The following HEATR4 variants were observed in gnomAD, a reference collection of about 807,000 sequenced individuals.
HEATR4 encodes the protein HEAT repeat containing 4.
In HEATR4, 95 loss-of-function variants were observed where a neutral mutation model predicts 108.8. That is an observed-to-expected ratio of 0.87 (90% CI 0.74 to 1.04). The LOEUF is 1.04. Ranked by LOEUF, HEATR4 falls within the 50% of genes least tolerant of loss-of-function variation. The pLI is 0.00. For synonymous variants in HEATR4, 443 were observed against 459.4 expected (o/e 0.96, Z 0.46); for missense variants, 1,152 against 1,253.8 (o/e 0.92, Z 1.23).
At chr14:73,609,315 C>T in the HEATR4 span, among the ~76,000 whole-genome samples, 1 of 152,134 alleles carries the variant, frequency 6.6e-6, no homozygotes, top group Admixed American at 6.5e-5. Flanking sequence ...ATGGGATGGA[C>T]AATGTCATAC....
At chr14:73,526,682 C>T (rs1888359632) in intron 2 of HEATR4, among the ~76,000 whole-genome samples, 1 of 152,184 alleles carries the variant, frequency 6.6e-6, no homozygotes, top group Admixed American at 6.5e-5. Flanking sequence ...TCCAGACCTA[C>T]CCTGCGCCAG....
chr14:73,579,573 CA>C, the HEATR4 span, among the ~76,000 whole-genome samples: 31,056 of 57,282 alleles, frequency 0.54, 6,102 homozygotes, highest in East Asian at 0.69. Context: ...AAAGCCGTCT[CA>C]AAAAAAAAAA....
the HEATR4 span, among the ~76,000 whole-genome samples, chr14:73,624,123 CAA>C: frequency 6.6e-6 from 1 of 151,816 alleles, no homozygotes; most frequent in African/African-American, 2.4e-5. Flanking sequence ...CCTGTTTCTA[CAA>C]ATATATATAT....
At chr14:73,501,754 TTTATTA>T (rs1403012015) in intron 11 of HEATR4, among the ~76,000 whole-genome samples, 1 of 151,162 alleles carries the variant, frequency 6.6e-6, no homozygotes, top group Admixed American at 6.6e-5. Flanking sequence ...TTTATTTTAT[TTTATTA>T]TTATTATTTT....
At chr14:73,623,740 C>T in the HEATR4 span, among the ~76,000 whole-genome samples, 1 of 151,954 alleles carries the variant, frequency 6.6e-6, no homozygotes, top group Non-Finnish European at 1.5e-5. Flanking sequence ...GTGTTTGGGT[C>T]ATGAGGGCCA....
chr14:73,554,803 G>C (rs1889371845), intron 1 of HEATR4, among the ~76,000 whole-genome samples: 1 of 113,956 alleles, frequency 8.8e-6, no homozygotes, highest in African/African-American at 2.8e-5. Flanking sequence ...ATATTTGATA[G>C]ACTGTTTTCA....
At chr14:73,558,370 GT>G (rs67300726) in intron 1 of HEATR4, among the ~76,000 whole-genome samples, 49,985 of 119,794 alleles carry the variant, frequency 0.42, 11,896 homozygotes, top group East Asian at 0.58. Context: ...GCCTTGATTT[GT>G]TTTTTTTTTT....
upstream of HEATR4, among the ~76,000 whole-genome samples, chr14:73,560,427 G>A (rs532715413): frequency 8.8e-4 from 134 of 152,136 alleles, 1 homozygote; most frequent in African/African-American, 3.0e-3. Flanking sequence ...ACTTTGGGAG[G>A]CAAGTTGGGC....
the HEATR4 span, chr14:73,619,971 G>A: frequency 2.8e-6 from 3 of 1,071,278 alleles, no homozygotes; most frequent in Non-Finnish European, 3.9e-6. Context: ...GAGTGCAGTG[G>A]CATAATCTTG....
chr14:73,533,401 A>G lies in HEATR4; in HGVS notation c.-151-3157T>C, dbSNP rs1367163293. 1.0e-4 allele frequency among the ~76,000 whole-genome samples: 12 copies of G among 115,916 alleles called. 5 individuals are homozygous for G. The South Asian group carries it at 1.6e-3, about 16-fold the overall frequency. 76.0% of individuals were successfully genotyped at this position (115,916 alleles called of 152,430 possible). ...GCCTTAAAAAGGAATGAAATGGGCCAGGCGTGGTGGCTCAGGCCTGTAATC... is the reference window on the plus strand; with the variant it reads ...GCCTTAAAAAGGAATGAAATGGGCCGGGCGTGGTGGCTCAGGCCTGTAATC... On this transcript the variant is annotated intron_variant, in intron 1 of 17. Coordinates refer to ENST00000553558, the MANE Select transcript of HEATR4 (RefSeq NM_001220484.1).
rs1386792759 is a variant in HEATR4, at chr14:73,519,165, T to C, written c.1070-2A>G. 6.2e-7 allele frequency: 1 copy of C among 1,610,612 alleles called. No individual in the cohort carries two copies. Among genetic ancestry groups the C allele is most frequent in the Admixed American group, 1.7e-5 (1 of 59,460 alleles). On this transcript the variant is annotated splice_acceptor_variant, in intron 4 of 17. Transcript: ENST00000553558. LOFTEE classifies it high-confidence loss of function. ...TCTGGTGGATGATCTGGACTTCATC[T>C]GTGAACAGACAAAGAAACAATGAGT... is the stretch of plus-strand genomic sequence containing the variant.
chr14:73,631,315 G>A, the HEATR4 span, among the ~76,000 whole-genome samples: 23 of 152,010 alleles, frequency 1.5e-4, no homozygotes, highest in Admixed American at 1.5e-3. Context: ...ACCAGGTCTT[G>A]CTCTGTCACC....
chr14:73,568,925 A>G, the HEATR4 span: 2 of 398,504 alleles, frequency 5.0e-6, no homozygotes, highest in Non-Finnish European at 9.2e-6. Flanking sequence ...ATTATTCAAC[A>G]AAGTGATCAA....
chr14:73,548,586 A>G (rs2140318321), intron 1 of HEATR4, among the ~76,000 whole-genome samples: 1 of 115,832 alleles, frequency 8.6e-6, no homozygotes, highest in South Asian at 2.8e-4. Flanking sequence ...TGCATAAGGC[A>G]CGGAAGCACA....
the HEATR4 span, among the ~76,000 whole-genome samples, chr14:73,607,241 C>T: frequency 6.6e-6 from 1 of 152,158 alleles, no homozygotes; most frequent in Non-Finnish European, 1.5e-5. Context: ...ACCTGGGAAG[C>T]AGAGGTTGCA....
chr14:73,605,042 A>G, the HEATR4 span, among the ~76,000 whole-genome samples: 3 of 152,010 alleles, frequency 2.0e-5, no homozygotes, highest in Non-Finnish European at 4.4e-5. Flanking sequence ...AGTGCTTCTC[A>G]TGTGTGCATA....
chr14:73,619,181 T>G, the HEATR4 span: 1 of 1,512,914 alleles, frequency 6.6e-7, no homozygotes, highest in Non-Finnish European at 8.8e-7. Context: ...TCACTGTCTG[T>G]GTCCTCCATT....
At chr14:73,493,293 C>T (rs539549129) in intron 16 of HEATR4, 169 bp from the exon 17 acceptor site, 6 of 589,524 alleles carry the variant, frequency 1.0e-5, no homozygotes, top group Non-Finnish European at 1.5e-5. Context: ...TTGGATCTTT[C>T]ATCTGAGTTC....
At chr14:73,616,736 T>C in the HEATR4 span, 1 of 323,548 alleles carries the variant, frequency 3.1e-6, no homozygotes. Context: ...GGTGTACAGG[T>C]GGTTTGGGGT....
Sources: allele counts gnomAD v4.1 joint callset (sites outside exome capture counted in the v4.1 genomes callset), GRCh38; gene constraint gnomAD v4.1.1; transcripts MANE v1.5; gene names NCBI Gene and HGNC (gene_info 2026-07-23, HGNC 2026-07-21).